The following LINGO2 variants were observed in gnomAD, a reference collection of about 807,000 sequenced individuals.
LINGO2 encodes leucine rich repeat and Ig domain containing 2.
Under a neutral mutation model 30.6 loss-of-function variants are expected in LINGO2, and 14 were observed. The observed-to-expected ratio is 0.46, with a 90% confidence interval of 0.30 to 0.72. LINGO2 has a LOEUF of 0.72. LINGO2 is among the 30% of genes least tolerant of loss of function. The pLI, the probability that LINGO2 is intolerant of heterozygous loss-of-function variation, is 0.07. For synonymous variants in LINGO2, 317 were observed against 288.5 expected, an observed-to-expected ratio of 1.10 and a Z score of -1.00; for missense variants, 729 against 751.7, an observed-to-expected ratio of 0.97 and a Z score of 0.35.
At chr9:28,629,792 A>G (rs1826849072) in intron 1 of LINGO2, among the ~76,000 whole-genome samples, 1 of 152,108 alleles carries the variant, frequency 6.6e-6, no homozygotes, top group African/African-American at 2.4e-5. Flanking sequence ...CAGAAAAGTA[A>G]TAACATGAAA....
chr9:29,202,893 A>G, the LINGO2 span, among the ~76,000 whole-genome samples: 2 of 152,054 alleles, frequency 1.3e-5, no homozygotes, highest in Non-Finnish European at 2.9e-5. Flanking sequence ...AACCATACCT[A>G]AGTATTTTGC....
chr9:28,887,672 G>A, the LINGO2 span, among the ~76,000 whole-genome samples: 5 of 152,004 alleles, frequency 3.3e-5, no homozygotes, highest in African/African-American at 9.7e-5. Flanking sequence ...CAGACACAAG[G>A]ATCATGGGTT....
the LINGO2 span, among the ~76,000 whole-genome samples, chr9:28,969,100 T>C: frequency 6.6e-6 from 1 of 152,120 alleles, no homozygotes; most frequent in African/African-American, 2.4e-5. Context: ...AGAGATCACA[T>C]TTTACTGGGG....
the LINGO2 span, among the ~76,000 whole-genome samples, chr9:28,711,900 G>A: frequency 3.9e-5 from 6 of 152,224 alleles, no homozygotes; most frequent in South Asian, 1.2e-3. Context: ...ATAAGGCAAT[G>A]AGTCTATTAA....
At chr9:29,064,911 T>C in the LINGO2 span, among the ~76,000 whole-genome samples, 1 of 152,116 alleles carries the variant, frequency 6.6e-6, no homozygotes, top group Non-Finnish European at 1.5e-5. Flanking sequence ...ATGACAGGCT[T>C]AGAGAAATTA....
At chr9:28,837,151 C>T in the LINGO2 span, among the ~76,000 whole-genome samples, 1 of 152,062 alleles carries the variant, frequency 6.6e-6, no homozygotes, top group African/African-American at 2.4e-5. Flanking sequence ...AAGCCAAGAG[C>T]TAGGATATAA....
the LINGO2 span, among the ~76,000 whole-genome samples, chr9:28,684,349 G>A: frequency 1.3e-5 from 2 of 150,508 alleles, no homozygotes; most frequent in African/African-American, 2.4e-5. Context: ...CACCACGCCC[G>A]GCTAATTTTT....
chr9:28,965,888 G>A, the LINGO2 span, among the ~76,000 whole-genome samples: 1 of 152,060 alleles, frequency 6.6e-6, no homozygotes, highest in Non-Finnish European at 1.5e-5. Flanking sequence ...TCTTCACAAG[G>A]GCTGCATAGG....
intron 4 of LINGO2, among the ~76,000 whole-genome samples, chr9:28,067,015 CCT>C (rs1189291149): frequency 1.3e-5 from 2 of 151,948 alleles, no homozygotes; most frequent in Non-Finnish European, 2.9e-5. Flanking sequence ...ATAATTTAGG[CCT>C]CTCTACTCAC....
chr9:28,199,490 C>T (rs1461149390), intron 4 of LINGO2, among the ~76,000 whole-genome samples: 1 of 152,042 alleles, frequency 6.6e-6, no homozygotes, highest in Non-Finnish European at 1.5e-5. Context: ...AGGCGCCCGC[C>T]ACCACGCTCG....
At chr9:28,983,944 A>C in the LINGO2 span, among the ~76,000 whole-genome samples, 2 of 152,036 alleles carry the variant, frequency 1.3e-5, no homozygotes, top group Non-Finnish European at 2.9e-5. Flanking sequence ...GAGGCTTTAC[A>C]ATGTCAGTCA....
intron 5 of LINGO2, among the ~76,000 whole-genome samples, chr9:27,986,967 T>C (rs1306151535): frequency 6.6e-6 from 1 of 151,844 alleles, no homozygotes; most frequent in Non-Finnish European, 1.5e-5. Context: ...CCTTGGGCTA[T>C]TTCCTATGGA....
chr9:28,445,686 C>A (rs1406929937), intron 2 of LINGO2, among the ~76,000 whole-genome samples: 1 of 152,102 alleles, frequency 6.6e-6, no homozygotes, highest in Non-Finnish European at 1.5e-5. Flanking sequence ...GTCAGAGAAA[C>A]TTGAAGTAAT....
At chr9:28,297,898 C>T (rs1823983744) in intron 3 of LINGO2, among the ~76,000 whole-genome samples, 2 of 152,202 alleles carry the variant, frequency 1.3e-5, no homozygotes, top group Admixed American at 6.5e-5. Flanking sequence ...TCCAAGTTAA[C>T]AGACTTTTGT....
chr9:28,305,508 T>G lies in LINGO2; in HGVS notation c.-245-10142A>C, dbSNP rs1437436924. 2.6e-5 allele frequency among the ~76,000 whole-genome samples: 4 copies of G among 152,052 alleles called. No homozygotes were observed. The East Asian group carries it at 7.7e-4, about 29-fold the overall frequency. ...TACCAGAACTGATTAATATGTGGAT[T>G]TAGTAAGGCTACAGAATAGAAAAAT... On this transcript the variant is annotated intron_variant, in intron 3 of 5. Transcript: ENST00000379992.
chr9:28,506,487 TACACACACACAC>T lies in LINGO2; in HGVS notation c.-364-30474_-364-30463del, dbSNP rs374238897. ...ATACACACACACACACACATACACA[TACACACACACAC>T]ACAGACATATATATATATATATAAA... On this transcript the variant is annotated intron_variant, in intron 1 of 5. Transcript: ENST00000379992. Among the ~76,000 whole-genome samples, 5 of 40,414 alleles carry T rather than the reference TACACACACACAC, an allele frequency of 1.2e-4. 1 individual carries two copies. Among genetic ancestry groups the T allele is most frequent in the African/African-American group, 3.4e-4 (5 of 14,802 alleles). 26.5% of individuals were successfully genotyped at this position (40,414 alleles called of 152,430 possible).
At chr9:28,634,122 C>T (rs1196508656) in intron 1 of LINGO2, among the ~76,000 whole-genome samples, 5 of 152,276 alleles carry the variant, frequency 3.3e-5, no homozygotes, top group Middle Eastern at 3.4e-3. Flanking sequence ...AGAACAACAT[C>T]AAAATCCAGT....
chr9:27,992,129 A>G (rs1020296005), intron 5 of LINGO2, among the ~76,000 whole-genome samples: 3 of 151,994 alleles, frequency 2.0e-5, no homozygotes, highest in African/African-American at 7.2e-5. Context: ...TGGCCCCCAA[A>G]TAACTCACCA....
the LINGO2 span, among the ~76,000 whole-genome samples, chr9:29,147,526 A>G: frequency 6.6e-6 from 1 of 152,114 alleles, no homozygotes; most frequent in African/African-American, 2.4e-5. Context: ...TGATAATTTC[A>G]GACCTATTTA....
Sources: allele counts gnomAD v4.1 joint callset (sites outside exome capture counted in the v4.1 genomes callset), GRCh38; gene constraint gnomAD v4.1.1; transcripts MANE v1.5; gene names NCBI Gene and HGNC (gene_info 2026-07-23, HGNC 2026-07-21).